Variants in FANCD2 observed in about 807,000 individuals in gnomAD.
The protein encoded by FANCD2 is FA complementation group D2.
FANCD2 carries 131 observed loss-of-function variants against 192.3 expected under a neutral mutation model. The ratio of observed to expected loss-of-function variants is 0.68; its 90% confidence interval spans 0.59 to 0.79. FANCD2 has a LOEUF of 0.79. Ranked by LOEUF, FANCD2 falls within the 30% of genes least tolerant of loss-of-function variation. The probability of loss-of-function intolerance (pLI) is 0.00; values close to 1 mark genes in which losing one functional copy is unlikely to be tolerated. For synonymous variants in FANCD2, 524 were observed against 612.5 expected (o/e 0.86, Z 2.13); for missense variants, 1,508 against 1,701.6 (o/e 0.89, Z 2.00).
At position 10,064,422 on chromosome 3, in the gene FANCD2, C is replaced by A. The variant is rs2087656448; in HGVS notation, c.2014C>A (p.Pro672Thr). The change falls in exon 22 of 44, where the codon CCG becomes ACG. Residue 672 changes from proline (P) to threonine (T), a missense_variant. Physicochemically the swap from Pro to Thr is conservative, Grantham distance 38. Around this residue, in one of 5 missense-constraint regions of FANCD2, gnomAD observed 59 missense variants for 111.9 expected, o/e 0.53. Transcript: ENST00000675286. Reference sequence around the variant, plus strand: ...CTTCGTAGTGGACTCCTGTGTTGTTCCGGAAGGGTAGGTATTGTTTACCTG... The same window carrying A: ...CTTCGTAGTGGACTCCTGTGTTGTTACGGAAGGGTAGGTATTGTTTACCTG... Reference protein sequence around the residue: ...DAFVVDSCVVPEGDFPFPVKA... With the variant: ...DAFVVDSCVVTEGDFPFPVKA... 6.2e-7 allele frequency: 1 copy of A among 1,613,484 alleles called. No homozygotes were observed. The highest frequency in any genetic ancestry group is 1.3e-5 in the African/African-American group (1 of 74,916).
chr3:10,092,841 G>A (rs1404920218), intron 38 of FANCD2, among the ~76,000 whole-genome samples: 5 of 151,734 alleles, frequency 3.3e-5, no homozygotes, highest in African/African-American at 1.2e-4. Context: ...ACAGGAACAT[G>A]CCACCACACC....
chr3:10,034,656 A>C, intron 4 of FANCD2, 39 bp from the exon 5 acceptor site: 1 of 1,516,206 alleles, frequency 6.6e-7, no homozygotes, highest in Non-Finnish European at 9.1e-7. Context: ...ATATTAAACT[A>C]AAAATTTTAT....
chr3:10,059,532 C>T (rs768609277), intron 18 of FANCD2, among the ~76,000 whole-genome samples: 2 of 152,176 alleles, frequency 1.3e-5, no homozygotes, highest in South Asian at 4.1e-4. Context: ...GGGCCAGGCA[C>T]GTAATCACCC....
At chr3:10,060,818 T>A (rs2087544838) in intron 19 of FANCD2, among the ~76,000 whole-genome samples, 1 of 152,232 alleles carries the variant, frequency 6.6e-6, no homozygotes, top group African/African-American at 2.4e-5. Context: ...TCCCCTCACC[T>A]TGTTCCTTGA....
chr3:10,094,975 G>T (rs749754982), intron 40 of FANCD2: 2 of 558,792 alleles, frequency 3.6e-6, no homozygotes, highest in Non-Finnish European at 6.4e-6. Context: ...AAACTAAAAT[G>T]CAGGTCTTAT....
rs776507961 is a variant in FANCD2, at chr3:10,067,244, G to A, written c.2421G>A (p.Glu807=). 1 of 1,613,730 alleles carries A rather than the reference G, an allele frequency of 6.2e-7. No individual in the cohort carries two copies. Among genetic ancestry groups the A allele is most frequent in the South Asian group, 1.1e-5 (1 of 91,052 alleles). ...CCTTCTGCCAGGAAACATCACCTGA[G>A]ATGAAGGGGAAGGTGCTCACTCGGT... ...VNAFCQETSP[E]MKGKVLTRLK... The change falls in exon 26 of 44, where the codon GAG becomes GAA. Residue 807 remains glutamate, a synonymous_variant. Coordinates refer to ENST00000675286, the MANE Select transcript of FANCD2 (RefSeq NM_001018115.3).
Position 10,101,495 on chromosome 3 carries a change from C to T in FANCD2, c.*233C>T. On this transcript the variant is annotated 3_prime_UTR_variant, in exon 44 of 44. Transcript: ENST00000675286. ...CCATCTCCTAGGTTCAAGCGATTCT[C>T]CTGCCTCAGCCTCCTGAGTAGCTGG... is the stretch of plus-strand genomic sequence containing the variant. The T allele has an allele frequency of 6.2e-6, 3 of 483,282 alleles. No homozygotes were observed. The highest frequency in any genetic ancestry group is 3.5e-5 in the East Asian group (1 of 28,438). The allele number at this position is 483,282 out of a possible 1,614,324, so 29.9% of individuals were successfully genotyped here.
intron 42 of FANCD2, among the ~76,000 whole-genome samples, chr3:10,097,407 C>G (rs1003668836): frequency 6.6e-6 from 1 of 152,134 alleles, no homozygotes; most frequent in African/African-American, 2.4e-5. Flanking sequence ...CCGGGGGGGC[C>G]CAGTTCAGAG....
chr3:10,068,851 T>C (rs905378654), intron 26 of FANCD2, among the ~76,000 whole-genome samples: 9 of 152,110 alleles, frequency 5.9e-5, no homozygotes, highest in African/African-American at 2.2e-4. Flanking sequence ...ACACCTACAA[T>C]GAACTCATTC....
intron 24 of FANCD2, 74 bp downstream of exon 24, chr3:10,065,568 A>G (rs1241066879): frequency 6.0e-6 from 6 of 1,001,466 alleles, no homozygotes; most frequent in South Asian, 1.3e-5. Context: ...GGGCAGATCA[A>G]TACATGGTGT....
chr3:10,033,987 G>A (rs1429594500), intron 3 of FANCD2, among the ~76,000 whole-genome samples: 1 of 148,118 alleles, frequency 6.8e-6, no homozygotes, highest in South Asian at 2.3e-4. Flanking sequence ...ATGAGCCACC[G>A]CGCCCAGCCA....
intron 23 of FANCD2, 42 bp from the exon 24 acceptor site, chr3:10,065,352 C>T (rs751312398): frequency 7.9e-6 from 10 of 1,270,598 alleles, no homozygotes; most frequent in Admixed American, 1.7e-5. Context: ...TGGAGTAATA[C>T]ACCTATGAAG....
intron 9 of FANCD2, chr3:10,040,138 C>T: frequency 2.4e-6 from 1 of 411,732 alleles, no homozygotes; most frequent in Non-Finnish European, 4.4e-6. Context: ...GGGTTCACCC[C>T]ATTCTCCTGC....
chr3:10,032,344 T>C (rs1559369306), intron 2 of FANCD2: 2 of 411,082 alleles, frequency 4.9e-6, no homozygotes, highest in Non-Finnish European at 9.5e-6. Context: ...GCAGTGGTAA[T>C]ATCATAGCTC....
Position 10,035,891 on chromosome 3 carries a change from A to AT in FANCD2, c.439-392dup, listed in dbSNP as rs535430892. Among the ~76,000 whole-genome samples the AT allele has an allele frequency of 4.7e-4, 72 of 152,214 alleles. 1 individual carries two copies. In the South Asian group the frequency reaches 0.014, roughly 29 times the overall value. On this transcript the variant is annotated intron_variant, in intron 6 of 43. Coordinates refer to ENST00000675286, the MANE Select transcript of FANCD2 (RefSeq NM_001018115.3). ...ATTAACAGTTATTGTATTTAATAAT[A>AT]TTTTAATTATCTGATTATTTTAACG...
chr3:10,039,171 T>C, intron 7 of FANCD2, 108 bp from the exon 8 acceptor site: 1 of 735,440 alleles, frequency 1.4e-6, no homozygotes, highest in South Asian at 1.7e-5. Context: ...ATAGTAGGTG[T>C]TCGGTAAATG....
At chr3:10,091,085 T>C (rs1694579304) in intron 37 of FANCD2, among the ~76,000 whole-genome samples, 1 of 151,462 alleles carries the variant, frequency 6.6e-6, no homozygotes, top group Admixed American at 6.6e-5. Context: ...GTTTTTTCTT[T>C]TTTTTTTCTT....
intron 17 of FANCD2, among the ~76,000 whole-genome samples, chr3:10,051,082 CAA>C (rs61438880): frequency 7.1e-6 from 1 of 140,444 alleles, no homozygotes; most frequent in Non-Finnish European, 1.6e-5. Context: ...GCGAAACTGT[CAA>C]AAAAAAAAGA....
At chr3:10,082,285 T>C (rs1263774092) in intron 32 of FANCD2, among the ~76,000 whole-genome samples, 1 of 152,166 alleles carries the variant, frequency 6.6e-6, no homozygotes, top group Non-Finnish European at 1.5e-5. Context: ...TTTTCTGTTA[T>C]AAATAACATC....
Sources: allele counts gnomAD v4.1 joint callset (sites outside exome capture counted in the v4.1 genomes callset), GRCh38; gene constraint gnomAD v4.1.1; regional missense constraint gnomAD v4.1.1; transcripts MANE v1.5; gene names NCBI Gene and HGNC (gene_info 2026-07-23, HGNC 2026-07-21).